The following OPCML variants were observed in gnomAD, a reference collection of about 807,000 sequenced individuals.
OPCML encodes opioid-binding protein/cell adhesion molecule.
OPCML carries 13 observed loss-of-function variants against 37.8 expected under a neutral mutation model. The ratio of observed to expected loss-of-function variants is 0.34; its 90% confidence interval spans 0.22 to 0.55. OPCML has a LOEUF of 0.55. OPCML is among the 20% of genes least tolerant of loss of function. The pLI, the probability that OPCML is intolerant of heterozygous loss-of-function variation, is 0.91. For missense variants in OPCML, 341 were observed against 435.6 expected, an observed-to-expected ratio of 0.78 and a Z score of 1.93; for synonymous variants, 176 against 168.8, an observed-to-expected ratio of 1.04 and a Z score of -0.33.
chr11:132,885,167 A>G (rs1276112551), intron 2 of OPCML, among the ~76,000 whole-genome samples: 4 of 152,220 alleles, frequency 2.6e-5, no homozygotes, highest in African/African-American at 9.6e-5. Flanking sequence ...CCTCTTCTTA[A>G]ATGGACTGTG....
At chr11:132,885,082 A>G (rs563568357) in intron 2 of OPCML, among the ~76,000 whole-genome samples, 1 of 152,284 alleles carries the variant, frequency 6.6e-6, no homozygotes, top group South Asian at 2.1e-4. Context: ...CACCATAACA[A>G]TTAACTTACC....
chr11:133,053,070 C>T (rs1006708400), intron 1 of OPCML, among the ~76,000 whole-genome samples: 3 of 152,326 alleles, frequency 2.0e-5, no homozygotes, highest in African/African-American at 7.2e-5. Flanking sequence ...TTTCAGCTGG[C>T]CTTTGAACAG....
chr11:133,240,451 T>C (rs1030342910), intron 1 of OPCML, among the ~76,000 whole-genome samples: 4 of 152,122 alleles, frequency 2.6e-5, no homozygotes, highest in African/African-American at 9.7e-5. Flanking sequence ...ACACCCGTGT[T>C]AGAGTGTGAT....
intron 1 of OPCML, among the ~76,000 whole-genome samples, chr11:133,530,104 G>A (rs903750426): frequency 2.6e-5 from 4 of 152,186 alleles, no homozygotes; most frequent in African/African-American, 7.2e-5. Flanking sequence ...GGGGGTGGGG[G>A]GGATAGCTTG....
chr11:132,650,583 CACACACACATACACACACAAAAAAA>C (rs2135748832), intron 3 of OPCML, among the ~76,000 whole-genome samples: 2 of 152,230 alleles, frequency 1.3e-5, no homozygotes, highest in East Asian at 3.9e-4. Context: ...CATACACACA[CACACACACATACACACACAAAAAAA>C]ACACACACAG....
intron 3 of OPCML, among the ~76,000 whole-genome samples, chr11:132,601,940 G>A (rs1028639469): frequency 6.6e-6 from 1 of 152,120 alleles, no homozygotes; most frequent in Non-Finnish European, 1.5e-5. Context: ...TGTTACTAAT[G>A]CTCTTAATCA....
At chr11:133,299,240 A>G (rs34423447) in intron 1 of OPCML, 8,298 of 152,308 alleles carry the variant, frequency 0.054, 261 homozygotes, top group Non-Finnish European at 0.072. Flanking sequence ...CAAAACAAAG[A>G]GGCAACTCTG....
chr11:132,449,609 T>C (rs976345617), intron 4 of OPCML, among the ~76,000 whole-genome samples: 2 of 152,192 alleles, frequency 1.3e-5, no homozygotes, highest in African/African-American at 4.8e-5. Context: ...AATTCCAGTA[T>C]GATGCCCAAA....
chr11:133,447,419 C>T (rs1946495195), intron 1 of OPCML, among the ~76,000 whole-genome samples: 2 of 152,108 alleles, frequency 1.3e-5, no homozygotes, highest in South Asian at 4.1e-4. Context: ...AGGCTTGTTG[C>T]CTGGTATATT....
At chr11:133,342,715 T>C (rs1943901556) in intron 1 of OPCML, among the ~76,000 whole-genome samples, 1 of 152,106 alleles carries the variant, frequency 6.6e-6, no homozygotes, top group African/African-American at 2.4e-5. Flanking sequence ...AAGACTCAGG[T>C]GGAGTCTCCT....
At chr11:132,724,750 G>A (rs1944813609) in intron 2 of OPCML, among the ~76,000 whole-genome samples, 1 of 152,214 alleles carries the variant, frequency 6.6e-6, no homozygotes, top group African/African-American at 2.4e-5. Context: ...TGGGGGTACA[G>A]GCATTGGGTA....
chr11:133,532,096 A>T (rs1056441681), intron 1 of OPCML, 168 bp downstream of exon 1: 2 of 646,468 alleles, frequency 3.1e-6, no homozygotes, highest in South Asian at 6.9e-5. Context: ...TGAGCGAGTG[A>T]GTGTGTGTGT....
At chr11:132,955,776 G>A (rs1945965586) in intron 1 of OPCML, among the ~76,000 whole-genome samples, 1 of 152,122 alleles carries the variant, frequency 6.6e-6, no homozygotes. Context: ...CAGCTGCTCA[G>A]GAGGCCAAGG....
At chr11:133,040,288 C>G (rs1457273957) in intron 1 of OPCML, among the ~76,000 whole-genome samples, 1 of 152,152 alleles carries the variant, frequency 6.6e-6, no homozygotes, top group Non-Finnish European at 1.5e-5. Flanking sequence ...CAGTTCTTCT[C>G]AAGCTCACTC....
At chr11:132,477,912 A>C (rs1357516459) in intron 4 of OPCML, among the ~76,000 whole-genome samples, 1 of 152,264 alleles carries the variant, frequency 6.6e-6, no homozygotes, top group Non-Finnish European at 1.5e-5. Context: ...CTTTGAAAAC[A>C]TATCTAAAAG....
intron 1 of OPCML, among the ~76,000 whole-genome samples, chr11:133,409,108 G>A (rs1010222318): frequency 6.6e-6 from 1 of 152,188 alleles, no homozygotes; most frequent in Non-Finnish European, 1.5e-5. Flanking sequence ...GTGGAAGGAA[G>A]GAGGTGGTAA....
At chr11:132,982,886 A>G (rs1332953328) in intron 1 of OPCML, among the ~76,000 whole-genome samples, 2 of 152,222 alleles carry the variant, frequency 1.3e-5, no homozygotes, top group African/African-American at 4.8e-5. Flanking sequence ...CGTGGGATGC[A>G]TGCCAGAGCT....
chr11:133,199,610 G>C (rs576529067), intron 1 of OPCML, among the ~76,000 whole-genome samples: 21 of 152,224 alleles, frequency 1.4e-4, no homozygotes, highest in South Asian at 1.2e-3. Flanking sequence ...GGTTCCACTT[G>C]TACATTTTCA....
chr11:132,531,755 C>A (rs900220387), intron 3 of OPCML, among the ~76,000 whole-genome samples: 1 of 88,958 alleles, frequency 1.1e-5, no homozygotes, highest in Non-Finnish European at 1.9e-5. Flanking sequence ...ATGTTCTACC[C>A]GTTTTTTTTT....
Sources: allele counts gnomAD v4.1 joint callset (sites outside exome capture counted in the v4.1 genomes callset), GRCh38; gene constraint gnomAD v4.1.1; transcripts MANE v1.5; gene names NCBI Gene and HGNC (gene_info 2026-07-23, HGNC 2026-07-21).